Variants in NARS2 observed in about 807,000 individuals in gnomAD.
NARS2 encodes the protein asparaginyl-tRNA synthetase.
NARS2 carries 60 observed loss-of-function variants against 62.9 expected under a neutral mutation model. The ratio of observed to expected loss-of-function variants is 0.95; its 90% CI spans 0.77 to 1.18. The LOEUF (loss-of-function observed/expected upper bound fraction) is 1.18, where lower values mean the gene tolerates loss of function less well. Among genes scored for constraint, NARS2 ranks in the 50% most tolerant of loss-of-function variants. The pLI is 0.00. For missense variants in NARS2, 619 were observed against 576.4 expected (o/e 1.07, Z -0.76); for synonymous variants, 196 against 200.0 (o/e 0.98, Z 0.17).
intron 9 of NARS2, among the ~76,000 whole-genome samples, chr11:78,473,655 T>G (rs1379539788): frequency 4.6e-5 from 7 of 152,250 alleles, no homozygotes; most frequent in Non-Finnish European, 7.3e-5. Flanking sequence ...AAGGGCCAAC[T>G]GTGGCTGCAA....
Position 78,574,479 on chromosome 11 carries a change from C to G in NARS2, c.10G>C (p.Val4Leu), listed in dbSNP as rs1314013804. Residue 4 changes from valine (V) to leucine (L), a missense_variant, in exon 1 of 14, where the codon GTC becomes CTC. Physicochemically the swap from Val to Leu is conservative, Grantham distance 32. Coordinates refer to ENST00000281038, the MANE Select transcript of NARS2 (RefSeq NM_024678.6). MLG[V>L]RCLLRSVRFC... ...CGCACGGACCGCAGCAGGCAGCGGA[C>G]CCCCAGCATCCCGCGTCCGCCCAGG... is the stretch of plus-strand genomic sequence containing the variant. 2 of 1,611,300 alleles carry G rather than the reference C, an allele frequency of 1.2e-6. No individual in the cohort carries two copies. The highest frequency in any genetic ancestry group is 1.7e-6 in the Non-Finnish European group (2 of 1,178,946).
At chr11:78,570,601 TCTTAA>T (rs1218685186) in intron 2 of NARS2, among the ~76,000 whole-genome samples, 3 of 152,210 alleles carry the variant, frequency 2.0e-5, no homozygotes, top group African/African-American at 4.8e-5. Flanking sequence ...TCTAGACTGG[TCTTAA>T]CTTGACTCAA....
chr11:78,559,301 CAAAAAAAAAAAAA>C (rs10627726), intron 5 of NARS2, among the ~76,000 whole-genome samples: 4 of 58,452 alleles, frequency 6.8e-5, no homozygotes, highest in South Asian at 1.1e-3. Context: ...GACTCCATCT[CAAAAAAAAAAAAA>C]AAAAAAAAAA....
intron 5 of NARS2, among the ~76,000 whole-genome samples, chr11:78,535,912 C>A (rs1356640132): frequency 2.6e-5 from 4 of 152,102 alleles, no homozygotes; most frequent in African/African-American, 9.7e-5. Context: ...CCACCGAGCC[C>A]AGCAAGTTCA....
At chr11:78,488,139 G>GT (rs1393792006) in intron 7 of NARS2, among the ~76,000 whole-genome samples, 2 of 151,506 alleles carry the variant, frequency 1.3e-5, no homozygotes, top group Non-Finnish European at 2.9e-5. Context: ...GGTTTTCAAG[G>GT]TATGTGAATT....
chr11:78,513,638 C>G (rs549210153), intron 6 of NARS2, among the ~76,000 whole-genome samples: 1 of 151,856 alleles, frequency 6.6e-6, no homozygotes, highest in Non-Finnish European at 1.5e-5. Flanking sequence ...ATTAGCCGGG[C>G]GTAGTGGTGG....
intron 2 of NARS2, among the ~76,000 whole-genome samples, chr11:78,569,159 T>C (rs1856836307): frequency 6.6e-6 from 1 of 152,184 alleles, no homozygotes; most frequent in Non-Finnish European, 1.5e-5. Flanking sequence ...TGACTGGTGA[T>C]CTAAGCACAT....
intron 5 of NARS2, among the ~76,000 whole-genome samples, chr11:78,535,284 T>C (rs1861630685): frequency 6.6e-6 from 1 of 152,216 alleles, no homozygotes; most frequent in African/African-American, 2.4e-5. Flanking sequence ...TCACTTCCGA[T>C]TCTTGAAACA....
At chr11:78,518,717 C>T (rs1331677708) in intron 6 of NARS2, among the ~76,000 whole-genome samples, 1 of 152,038 alleles carries the variant, frequency 6.6e-6, no homozygotes, top group Non-Finnish European at 1.5e-5. Context: ...TGGGATTTCA[C>T]GGTGTTAGCC....
Position 78,469,333 on chromosome 11 carries a change from A to G in NARS2, c.960-20T>C, listed in dbSNP as rs1387797053. The stretch of plus-strand genomic sequence containing the variant: ...GAAATGCTGGAGGAAAACAGGATAC[A>G]AGCAGAGAAAAGTCAATACAATGGA... On this transcript the variant is annotated intron_variant, in intron 9 of 13. Transcript: ENST00000281038. 6 of 1,592,208 alleles carry G rather than the reference A, an allele frequency of 3.8e-6. No individual in the cohort carries two copies. Among genetic ancestry groups the G allele is most frequent in the Non-Finnish European group, 5.2e-6 (6 of 1,160,224 alleles).
At chr11:78,564,090 G>A (rs1194763255) in intron 4 of NARS2, among the ~76,000 whole-genome samples, 1 of 151,488 alleles carries the variant, frequency 6.6e-6, no homozygotes, top group Non-Finnish European at 1.5e-5. Flanking sequence ...AGTAAAGACA[G>A]GGTTTCACCG....
At chr11:78,517,886 C>A (rs759811115) in intron 6 of NARS2, among the ~76,000 whole-genome samples, 1 of 152,188 alleles carries the variant, frequency 6.6e-6, no homozygotes, top group African/African-American at 2.4e-5. Context: ...TAACTTTGAA[C>A]TTAATTAATA....
intron 11 of NARS2, among the ~76,000 whole-genome samples, chr11:78,448,644 G>A (rs1218372436): frequency 2.0e-5 from 3 of 152,236 alleles, no homozygotes; most frequent in Admixed American, 1.3e-4. Context: ...TACATGTAAA[G>A]GTTAAAGCCA....
chr11:78,517,094 CAAATGGGATGATGTGTG>C (rs746082991), intron 6 of NARS2, among the ~76,000 whole-genome samples: 5 of 152,060 alleles, frequency 3.3e-5, no homozygotes, highest in Admixed American at 2.0e-4. Flanking sequence ...CAAAGGAATA[CAAATGGGATGATGTGTG>C]AAATGGGATG....
rs773025539 is a variant in NARS2, at chr11:78,469,249, C to G, written c.1024G>C (p.Glu342Gln). 3 of 1,604,946 alleles carry G rather than the reference C, an allele frequency of 1.9e-6. No individual in the cohort carries two copies. Reference sequence around the variant, plus strand: ...TATACATACACACAAAATACTACCTCTGGGGTAAAGGTGAAGTTCTGGGAT... The same window carrying G: ...TATACATACACACAAAATACTACCTGTGGGGTAAAGGTGAAGTTCTGGGAT... Reference protein sequence around the residue: ...QASQNFTFTPEWGADLRTEHE... With the variant: ...QASQNFTFTPQWGADLRTEHE... Residue 342 changes from glutamate to glutamine, a missense_variant and splice_region_variant, in exon 10 of 14, where the codon GAG (glutamate) becomes CAG (glutamine). Glu to Gln is a conservative substitution (Grantham distance 29). Transcript: ENST00000281038.
At chr11:78,553,716 G>A (rs1856218407) in intron 5 of NARS2, among the ~76,000 whole-genome samples, 1 of 152,168 alleles carries the variant, frequency 6.6e-6, no homozygotes, top group Non-Finnish European at 1.5e-5. Context: ...TGTTTATTCT[G>A]CTGACAGTTT....
chr11:78,543,207 T>C (rs2135467062), intron 5 of NARS2, among the ~76,000 whole-genome samples: 1 of 152,318 alleles, frequency 6.6e-6, no homozygotes, highest in South Asian at 2.1e-4. Context: ...TTATAAAGCA[T>C]ACTCATATAA....
At chr11:78,495,126 GATT>G (rs1860004223) in intron 6 of NARS2, among the ~76,000 whole-genome samples, 1 of 152,102 alleles carries the variant, frequency 6.6e-6, no homozygotes, top group Non-Finnish European at 1.5e-5. Flanking sequence ...ACTCAAATCT[GATT>G]ATGTCAGCCC....
At chr11:78,556,696 T>C (rs1338688138) in intron 5 of NARS2, among the ~76,000 whole-genome samples, 3 of 152,242 alleles carry the variant, frequency 2.0e-5, no homozygotes, top group Non-Finnish European at 4.4e-5. Context: ...TTAAGATCTT[T>C]AAACTAAATT....
Sources: allele counts gnomAD v4.1 joint callset (sites outside exome capture counted in the v4.1 genomes callset), GRCh38; gene constraint gnomAD v4.1.1; transcripts MANE v1.5; gene names NCBI Gene and HGNC (gene_info 2026-07-23, HGNC 2026-07-21).